The following TM9SF3 variants were observed in gnomAD, a reference collection of about 807,000 sequenced individuals.
TM9SF3 encodes the protein SM-11044-binding protein.
In TM9SF3, 14 loss-of-function variants were observed where a neutral mutation model predicts 78.6. That is an observed-to-expected ratio of 0.18 (90% confidence interval 0.12 to 0.28). TM9SF3 has a LOEUF of 0.28. Among genes scored for constraint, TM9SF3 ranks in the 10% least tolerant of loss-of-function variants. The probability of loss-of-function intolerance (pLI) is 1.00; values close to 1 mark genes in which losing one functional copy is unlikely to be tolerated. For missense variants in TM9SF3, 496 were observed against 721.9 expected, an observed-to-expected ratio of 0.69 and a Z score of 3.59; for synonymous variants, 231 against 241.7, an observed-to-expected ratio of 0.96 and a Z score of 0.41.
intron 2 of TM9SF3, among the ~76,000 whole-genome samples, chr10:96,567,084 CTTTTT>C (rs5787198): frequency 8.0e-6 from 1 of 124,846 alleles, no homozygotes. Context: ...TGTATAAAGC[CTTTTT>C]TTTTTTTTTT....
At chr10:96,558,417 T>C (rs1848260514) in intron 5 of TM9SF3, among the ~76,000 whole-genome samples, 1 of 151,904 alleles carries the variant, frequency 6.6e-6, no homozygotes, top group African/African-American at 2.4e-5. Context: ...TAAGGGCAGG[T>C]GGATCACTTG....
chr10:96,581,302 G>A (rs1206024762), intron 1 of TM9SF3, among the ~76,000 whole-genome samples: 2 of 151,662 alleles, frequency 1.3e-5, no homozygotes, highest in East Asian at 3.9e-4. Flanking sequence ...GTGGTCATGT[G>A]AAATCTGAAT....
At chr10:96,572,527 T>C (rs1032898490) in intron 2 of TM9SF3, among the ~76,000 whole-genome samples, 2 of 136,002 alleles carry the variant, frequency 1.5e-5, no homozygotes, top group South Asian at 4.4e-4. Context: ...CGCATTTTCT[T>C]TTTTTTTTTT....
intron 3 of TM9SF3, among the ~76,000 whole-genome samples, chr10:96,562,365 C>T (rs1489078598): frequency 6.6e-6 from 1 of 151,996 alleles, no homozygotes; most frequent in Non-Finnish European, 1.5e-5. Flanking sequence ...GCCTGCAGAA[C>T]CGTGAGCCAA....
intron 14 of TM9SF3, among the ~76,000 whole-genome samples, chr10:96,526,728 A>G (rs1386208042): frequency 6.6e-6 from 1 of 152,104 alleles, no homozygotes; most frequent in Non-Finnish European, 1.5e-5. Context: ...CATAACAAGT[A>G]AACTGTGCTG....
intron 14 of TM9SF3, among the ~76,000 whole-genome samples, chr10:96,524,386 G>A (rs1847815626): frequency 6.6e-6 from 1 of 151,664 alleles, no homozygotes; most frequent in Non-Finnish European, 1.5e-5. Context: ...CTTACGACAC[G>A]AAAAGATGTA....
At chr10:96,545,478 T>C (rs1367737978) in intron 8 of TM9SF3, among the ~76,000 whole-genome samples, 1 of 152,238 alleles carries the variant, frequency 6.6e-6, no homozygotes, top group South Asian at 2.1e-4. Context: ...ATAGCCAGCA[T>C]TGGAACAATA....
At chr10:96,565,183 TA>T in intron 3 of TM9SF3, 120 bp downstream of exon 3, 1 of 979,908 alleles carries the variant, frequency 1.0e-6, no homozygotes, top group Non-Finnish European at 1.4e-6. Context: ...AATCATTCTG[TA>T]AAAAACAGTG....
At position 96,522,307 on chromosome 10, in the gene TM9SF3, T is replaced by C. The variant is rs757756647; in HGVS notation, c.1726A>G (p.Ser576Gly). Reference protein sequence around the residue: ...MCGAIGYMGTSAFVRKIYTNV... With the variant: ...MCGAIGYMGTGAFVRKIYTNV... Reference sequence around the variant, plus strand: ...GTATAGATTTTTCGGACAAAGGCACTTGTTCCCATGTAACCAATCGCTCCT... The same window carrying C: ...GTATAGATTTTTCGGACAAAGGCACCTGTTCCCATGTAACCAATCGCTCCT... Residue 576 changes from serine to glycine, a missense_variant, in exon 15 of 15, where the codon AGT (serine) becomes GGT (glycine). By Grantham distance (56) the Ser-to-Gly change is moderately conservative. Coordinates refer to ENST00000371142, the MANE Select transcript of TM9SF3 (RefSeq NM_020123.4). 2.5e-5 allele frequency: 40 copies of C among 1,585,598 alleles called. No homozygotes were observed. The South Asian group carries it at 4.6e-4, about 18-fold the overall frequency.
Position 96,576,849 on chromosome 10 carries a change from CAAG to C in TM9SF3, c.103-23_103-21del. On this transcript the variant is annotated intron_variant, in intron 1 of 14. Coordinates refer to ENST00000371142, the MANE Select transcript of TM9SF3 (RefSeq NM_020123.4). Reference sequence around the variant, plus strand: ...TTGATACTGAAACAAGAAAAGCAAACAAGAATTAAAAAAAAAAAACACACTAAT... The same window carrying C: ...TTGATACTGAAACAAGAAAAGCAAACAATTAAAAAAAAAAAACACACTAAT... 7.1e-7 allele frequency: 1 copy of C among 1,416,948 alleles called. No homozygotes were observed. Among genetic ancestry groups the C allele is most frequent in the South Asian group, 1.6e-5 (1 of 60,734 alleles). The allele number at this position is 1,416,948 out of a possible 1,614,324, so 87.8% of individuals were successfully genotyped here.
chr10:96,550,197 T>C (rs945422671), intron 7 of TM9SF3, among the ~76,000 whole-genome samples: 2 of 152,222 alleles, frequency 1.3e-5, no homozygotes, highest in Non-Finnish European at 2.9e-5. Context: ...GGTTAATACA[T>C]ATTCACTTCA....
At chr10:96,557,020 C>G (rs1157796656) in intron 5 of TM9SF3, among the ~76,000 whole-genome samples, 4 of 152,132 alleles carry the variant, frequency 2.6e-5, no homozygotes, top group African/African-American at 9.7e-5. Context: ...ACTGAACTCC[C>G]CTGTTCTTCC....
In TM9SF3 at chr10:96,548,518, C is replaced by T. The variant is rs1848127609; in HGVS notation, c.960-529G>A. On this transcript the variant is annotated intron_variant, in intron 7 of 14. Transcript: ENST00000371142. ...CATGCTGCTGAAAATGATTTTTAGG[C>T]CGCGCACAGTGGCTCACACCTGTAA... 2.6e-5 allele frequency among the ~76,000 whole-genome samples: 4 copies of T among 152,060 alleles called. No individual in the cohort carries two copies. In the South Asian group the frequency reaches 8.3e-4, roughly 32 times the overall value.
At chr10:96,522,912 G>A (rs968815376) in intron 14 of TM9SF3, among the ~76,000 whole-genome samples, 11 of 151,756 alleles carry the variant, frequency 7.2e-5, no homozygotes, top group Non-Finnish European at 1.0e-4. Context: ...AGGACAGAGA[G>A]GTAAGTGGGT....
At chr10:96,560,346 G>A in intron 4 of TM9SF3, 1 of 740,438 alleles carries the variant, frequency 1.4e-6, no homozygotes, top group East Asian at 2.5e-5. Context: ...CTGGTGCAAA[G>A]GATGAATTGC....
rs1281943798 is a variant in TM9SF3, at chr10:96,528,139, T to C, written c.1433A>G (p.Tyr478Cys). 1.2e-6 allele frequency: 2 copies of C among 1,611,920 alleles called. No homozygotes were observed. The highest frequency in any genetic ancestry group is 1.3e-5 in the African/African-American group (1 of 74,788). Reference sequence around the variant, plus strand: ...CAGCATCATGAAGCCATAGACATAATAGATCTTATATGCCCAGAAAGACGT... The same window carrying C: ...CAGCATCATGAAGCCATAGACATAACAGATCTTATATGCCCAGAAAGACGT... ...IFTSFWAYKI[Y>C]YVYGFMMLVL... The change falls in exon 12 of 15, where the codon TAT becomes TGT. Residue 478 changes from tyrosine (Y) to cysteine (C), a missense_variant. Around this residue, in one of 4 missense-constraint regions of TM9SF3, gnomAD observed 280 missense variants for 422.6 expected, o/e 0.66. Coordinates refer to ENST00000371142, the MANE Select transcript of TM9SF3 (RefSeq NM_020123.4).
chr10:96,580,535 G>A (rs1848555049), intron 1 of TM9SF3, among the ~76,000 whole-genome samples: 1 of 152,090 alleles, frequency 6.6e-6, no homozygotes, highest in Non-Finnish European at 1.5e-5. Flanking sequence ...CAAAGTGCTG[G>A]GATTACAGGC....
intron 1 of TM9SF3, 47 bp from the exon 2 acceptor site, chr10:96,576,876 ATTC>A: frequency 5.1e-6 from 7 of 1,373,874 alleles, no homozygotes; most frequent in Non-Finnish European, 6.7e-6. Context: ...AAACACACTA[ATTC>A]AAATTAAGGG....
intron 1 of TM9SF3, among the ~76,000 whole-genome samples, chr10:96,577,992 C>T (rs949835084): frequency 6.6e-6 from 1 of 152,146 alleles, no homozygotes; most frequent in African/African-American, 2.4e-5. Context: ...TCCACTTCCC[C>T]CAGCTTCATT....
Sources: gnomAD v4.1 joint callset for allele counts (sites outside exome capture counted in the v4.1 genomes callset) on GRCh38, gnomAD v4.1.1 for gene constraint, gnomAD v4.1.1 regional missense constraint, MANE v1.5 for transcripts, NCBI Gene and HGNC (gene_info 2026-07-23, HGNC 2026-07-21) for gene names.